Variants in ZBTB20 observed in about 807,000 individuals in gnomAD.
ZBTB20 encodes zinc finger and BTB domain containing 20.
ZBTB20 carries 9 observed loss-of-function variants against 56.9 expected under a neutral mutation model. That is an observed-to-expected ratio of 0.16 (90% confidence interval 0.10 to 0.28). The LOEUF (loss-of-function observed/expected upper bound fraction) is 0.28, where lower values mean the gene tolerates loss of function less well. Ranked by LOEUF, ZBTB20 falls within the 10% of genes least tolerant of loss-of-function variation. The pLI, the probability that ZBTB20 is intolerant of heterozygous loss-of-function variation, is 1.00. For missense variants in ZBTB20, 655 were observed against 1,003.0 expected (o/e 0.65, Z 4.69); for synonymous variants, 417 against 420.7 (o/e 0.99, Z 0.11).
At chr3:114,414,183 A>G (rs1382672031) in intron 7 of ZBTB20, among the ~76,000 whole-genome samples, 2 of 152,170 alleles carry the variant, frequency 1.3e-5, no homozygotes, top group Non-Finnish European at 2.9e-5. Context: ...GTATATTAAC[A>G]GAAACTCTTC....
intron 5 of ZBTB20, among the ~76,000 whole-genome samples, chr3:114,768,206 T>C (rs1196320444): frequency 1.3e-5 from 2 of 152,136 alleles, no homozygotes; most frequent in Non-Finnish European, 1.5e-5. Context: ...GTGTTCCTTC[T>C]CTCCAAGTCA....
chr3:114,867,712 G>A (rs1000332668), intron 4 of ZBTB20, among the ~76,000 whole-genome samples: 1 of 152,148 alleles, frequency 6.6e-6, no homozygotes, highest in Non-Finnish European at 1.5e-5. Context: ...TGAGATTACA[G>A]GAGTGAGCCA....
At chr3:114,341,457 T>C (rs750459354) in intron 11 of ZBTB20, among the ~76,000 whole-genome samples, 2 of 152,218 alleles carry the variant, frequency 1.3e-5, no homozygotes, top group Non-Finnish European at 2.9e-5. Flanking sequence ...TCACCTTTTA[T>C]GGGAAGCGTG....
At chr3:114,978,590 T>C (rs1435622437) in intron 2 of ZBTB20, among the ~76,000 whole-genome samples, 1 of 151,686 alleles carries the variant, frequency 6.6e-6, no homozygotes, top group Non-Finnish European at 1.5e-5. Flanking sequence ...TTAATAATTT[T>C]TCTCTATATA....
chr3:114,757,245 A>C (rs1272225569), intron 5 of ZBTB20, among the ~76,000 whole-genome samples: 1 of 152,170 alleles, frequency 6.6e-6, no homozygotes, highest in Non-Finnish European at 1.5e-5. Flanking sequence ...TAAATCAGAG[A>C]GAAAGGATTA....
intron 2 of ZBTB20, among the ~76,000 whole-genome samples, chr3:115,013,270 A>C (rs1356255015): frequency 6.6e-6 from 1 of 151,762 alleles, no homozygotes; most frequent in Non-Finnish European, 1.5e-5. Context: ...GCTAAACAAA[A>C]AGTTGTTTTT....
intron 6 of ZBTB20, among the ~76,000 whole-genome samples, chr3:114,504,634 A>C (rs1278663488): frequency 6.6e-6 from 1 of 152,152 alleles, no homozygotes; most frequent in African/African-American, 2.4e-5. Context: ...CTGTGTATAT[A>C]TTTTTTGGGT....
At chr3:114,846,030 A>G (rs1408394921) in intron 4 of ZBTB20, among the ~76,000 whole-genome samples, 2 of 152,206 alleles carry the variant, frequency 1.3e-5, no homozygotes, top group Middle Eastern at 3.2e-3. Flanking sequence ...ACTGGGAACA[A>G]TGACAATTAC....
chr3:114,932,562 C>T (rs570605399), intron 3 of ZBTB20, among the ~76,000 whole-genome samples: 52 of 152,286 alleles, frequency 3.4e-4, no homozygotes, highest in Non-Finnish European at 6.3e-4. Flanking sequence ...AGCACAGAGC[C>T]CATACATAAG....
At chr3:114,978,185 G>A (rs2078182707) in intron 2 of ZBTB20, among the ~76,000 whole-genome samples, 1 of 150,110 alleles carries the variant, frequency 6.7e-6, no homozygotes, top group African/African-American at 2.4e-5. Context: ...ACATGAATAG[G>A]CAATTCACAA....
chr3:114,985,787 A>G (rs940354168), intron 2 of ZBTB20, among the ~76,000 whole-genome samples: 4 of 152,078 alleles, frequency 2.6e-5, no homozygotes, highest in South Asian at 2.1e-4. Flanking sequence ...AAGCGTTCTA[A>G]TGCCTCTACA....
At chr3:114,380,022 C>G (rs1470902483) in intron 10 of ZBTB20, among the ~76,000 whole-genome samples, 195 bp downstream of exon 10, 2 of 152,218 alleles carry the variant, frequency 1.3e-5, no homozygotes, top group Non-Finnish European at 2.9e-5. Context: ...AATGGCATGT[C>G]ACCTGGCTTT....
intron 4 of ZBTB20, among the ~76,000 whole-genome samples, chr3:114,859,447 T>C (rs968340547): frequency 2.0e-5 from 3 of 151,932 alleles, no homozygotes; most frequent in Non-Finnish European, 4.4e-5. Flanking sequence ...TTTCCTTCCT[T>C]CCTTCAATTT....
chr3:114,926,343 A>G (rs2076156671), intron 3 of ZBTB20, among the ~76,000 whole-genome samples: 1 of 152,174 alleles, frequency 6.6e-6, no homozygotes, highest in Non-Finnish European at 1.5e-5. Context: ...AAACCTTTAC[A>G]GAGTTGTATT....
chr3:114,581,497 A>G (rs2054627986), intron 6 of ZBTB20, among the ~76,000 whole-genome samples: 1 of 152,068 alleles, frequency 6.6e-6, no homozygotes, highest in Non-Finnish European at 1.5e-5. Flanking sequence ...TTGGGAAAAA[A>G]TCTTTGTAAT....
chr3:114,609,304 A>G (rs1278582815), intron 6 of ZBTB20, among the ~76,000 whole-genome samples: 2 of 152,234 alleles, frequency 1.3e-5, no homozygotes, highest in Non-Finnish European at 2.9e-5. Flanking sequence ...AGAATGGTCT[A>G]TGCCATCTTA....
At chr3:114,423,638 G>A (rs1174257285) in intron 7 of ZBTB20, among the ~76,000 whole-genome samples, 1 of 152,202 alleles carries the variant, frequency 6.6e-6, no homozygotes, top group African/African-American at 2.4e-5. Flanking sequence ...GGTTTATGAA[G>A]TATGAGGGAT....
intron 2 of ZBTB20, among the ~76,000 whole-genome samples, chr3:114,989,662 GA>G (rs886567386): frequency 6.6e-6 from 1 of 152,100 alleles, no homozygotes; most frequent in African/African-American, 2.4e-5. Flanking sequence ...ACTTGAGGGG[GA>G]TGGCATTGAA....
chr3:114,426,923 T>A (rs181083543), intron 7 of ZBTB20, among the ~76,000 whole-genome samples: 1 of 152,274 alleles, frequency 6.6e-6, no homozygotes, highest in South Asian at 2.1e-4. Flanking sequence ...TAAGTCTTGA[T>A]TTCAAATTGG....
Sources: allele counts gnomAD v4.1 joint callset (sites outside exome capture counted in the v4.1 genomes callset), GRCh38; gene constraint gnomAD v4.1.1; transcripts MANE v1.5; gene names NCBI Gene and HGNC (gene_info 2026-07-23, HGNC 2026-07-21).